Variants in SORBS2 observed in about 807,000 individuals in gnomAD.
The protein encoded by SORBS2 is sorbin and SH3 domain-containing protein 2.
In SORBS2, 46 loss-of-function variants were observed where a neutral mutation model predicts 97.7. The ratio of observed to expected loss-of-function variants is 0.47; its 90% confidence interval spans 0.37 to 0.60. The LOEUF (loss-of-function observed/expected upper bound fraction) is 0.60, where lower values mean the gene tolerates loss of function less well. SORBS2 is among the 20% of genes least tolerant of loss of function. The probability of loss-of-function intolerance (pLI) is 0.00; values close to 1 mark genes in which losing one functional copy is unlikely to be tolerated. For synonymous variants in SORBS2, 476 were observed against 473.4 expected (o/e 1.01, Z -0.07); for missense variants, 1,316 against 1,282.3 (o/e 1.03, Z -0.40).
At chr4:185,906,899 G>C (rs2099251199) in intron 1 of SORBS2, among the ~76,000 whole-genome samples, 1 of 152,196 alleles carries the variant, frequency 6.6e-6, no homozygotes, top group Admixed American at 6.5e-5. Flanking sequence ...GCCAAGGCAG[G>C]CGGATCACCT....
Position 185,950,367 on chromosome 4 carries a change from T to C in SORBS2, c.-338+5829A>G, listed in dbSNP as rs555554864. Among the ~76,000 whole-genome samples the C allele has an allele frequency of 2.0e-5, 3 of 152,220 alleles. No individual in the cohort carries two copies. The South Asian group carries it at 6.2e-4, about 32-fold the overall frequency. ...GTAATCCCAGACCTGAAGAACATAA[T>C]GGAATTAGAGGCAGATGAAGTATAA... On this transcript the variant is annotated intron_variant, in intron 1 of 20. Coordinates refer to the SORBS2 transcript ENST00000284776.
At chr4:185,772,006 G>T (rs2098974260) in intron 2 of SORBS2, 1 of 152,066 alleles carries the variant, frequency 6.6e-6, no homozygotes, top group African/African-American at 2.4e-5. Flanking sequence ...TGTCTCTAAT[G>T]AGAAAAATAA....
intron 2 of SORBS2, among the ~76,000 whole-genome samples, chr4:185,687,075 C>T (rs2097978359): frequency 6.6e-6 from 1 of 152,192 alleles, no homozygotes; most frequent in South Asian, 2.1e-4. Flanking sequence ...CAGGGTCTTG[C>T]TCTGTTGCCC....
intron 1 of SORBS2, among the ~76,000 whole-genome samples, chr4:185,898,605 G>A (rs6838311): frequency 0.71 from 107,667 of 152,022 alleles, 38,207 homozygotes; most frequent in Middle Eastern, 0.85. Flanking sequence ...CTACCAAAAC[G>A]CAAATGAAAC....
At chr4:185,947,039 T>C (rs2099274861) in intron 1 of SORBS2, among the ~76,000 whole-genome samples, 1 of 152,328 alleles carries the variant, frequency 6.6e-6, no homozygotes, top group African/African-American at 2.4e-5. Flanking sequence ...AACAATTACA[T>C]ATCCAGGGTA....
At chr4:185,701,425 T>C (rs2098260950) in intron 2 of SORBS2, among the ~76,000 whole-genome samples, 1 of 152,182 alleles carries the variant, frequency 6.6e-6, no homozygotes, top group African/African-American at 2.4e-5. Context: ...TGTGGACATC[T>C]TCATGGACAG....
intron 1 of SORBS2, among the ~76,000 whole-genome samples, chr4:185,789,035 A>G (rs2099068823): frequency 6.6e-6 from 1 of 152,210 alleles, no homozygotes; most frequent in Admixed American, 6.5e-5. Context: ...TGGAGAATAC[A>G]TGATTCCTGG....
rs1561507636 is a variant in SORBS2, at chr4:185,626,967, C to T, written c.499G>A (p.Val167Met). 1.2e-5 allele frequency: 20 copies of T among 1,614,248 alleles called. No individual in the cohort carries two copies. Among genetic ancestry groups the T allele is most frequent in the Non-Finnish European group, 1.7e-5 (20 of 1,180,046 alleles). ...TCTCCCAAGCCCCGTGGTGGACCCA[C>T]TGCAGGCTCGCTCTTCCTCCGCTTC... Residue 167 changes from valine (V) to methionine (M), a missense_variant, in exon 6 of 15, where the codon GTG (valine) becomes ATG (methionine). By Grantham distance (21) the Val-to-Met change is conservative (BLOSUM62 1). Transcript: ENST00000418609.
intron 1 of SORBS2, among the ~76,000 whole-genome samples, chr4:185,947,588 A>G (rs2099275126): frequency 1.3e-5 from 2 of 148,842 alleles, no homozygotes; most frequent in Non-Finnish European, 3.0e-5. Context: ...CACAATAGGG[A>G]TTACAAAATC....
At chr4:185,930,519 C>T (rs1479593666) in intron 1 of SORBS2, among the ~76,000 whole-genome samples, 6 of 152,098 alleles carry the variant, frequency 3.9e-5, no homozygotes, top group Non-Finnish European at 7.3e-5. Context: ...AGGATGGTCT[C>T]GATCTCCTGA....
At chr4:185,827,987 AT>A (rs1402652927) in intron 1 of SORBS2, among the ~76,000 whole-genome samples, 6 of 40,000 alleles carry the variant, frequency 1.5e-4, no homozygotes, top group African/African-American at 4.0e-4. Flanking sequence ...CACCATCATC[AT>A]CATCATCACC....
intron 3 of SORBS2, among the ~76,000 whole-genome samples, chr4:185,647,791 C>T (rs11732474): frequency 0.18 from 27,122 of 152,098 alleles, 2,647 homozygotes; most frequent in Admixed American, 0.22. Context: ...TGTTGTTCTT[C>T]CTTGCAGAGG....
At chr4:185,701,723 T>C (rs2098265150) in intron 2 of SORBS2, among the ~76,000 whole-genome samples, 1 of 152,110 alleles carries the variant, frequency 6.6e-6, no homozygotes, top group African/African-American at 2.4e-5. Context: ...GTCACTCATA[T>C]TGGGAGAGGG....
At chr4:185,810,080 T>C (rs2099173348) in intron 1 of SORBS2, among the ~76,000 whole-genome samples, 1 of 152,262 alleles carries the variant, frequency 6.6e-6, no homozygotes, top group East Asian at 1.9e-4. Flanking sequence ...GTCTGTTCAT[T>C]TAGCTTTCCT....
At chr4:185,845,869 A>G (rs2099214241) in intron 1 of SORBS2, among the ~76,000 whole-genome samples, 1 of 152,222 alleles carries the variant, frequency 6.6e-6, no homozygotes, top group Non-Finnish European at 1.5e-5. Context: ...ACACCTTTCA[A>G]CTGGCCAAAA....
chr4:185,664,931 T>G (rs1264363482), intron 4 of SORBS2, among the ~76,000 whole-genome samples: 1 of 152,162 alleles, frequency 6.6e-6, no homozygotes, highest in African/African-American at 2.4e-5. Context: ...AGCCATTACT[T>G]AGACATTATA....
At chr4:185,741,156 A>T (rs2098722472) in intron 2 of SORBS2, among the ~76,000 whole-genome samples, 2 of 151,982 alleles carry the variant, frequency 1.3e-5, no homozygotes, top group African/African-American at 4.8e-5. Context: ...ACTAAATATG[A>T]CTCTGTCTAT....
chr4:185,906,932 C>T (rs1448784963), intron 1 of SORBS2, among the ~76,000 whole-genome samples: 1 of 152,190 alleles, frequency 6.6e-6, no homozygotes, highest in East Asian at 1.9e-4. Flanking sequence ...TCAAGACCAG[C>T]TTGGCCAACA....
intron 4 of SORBS2, among the ~76,000 whole-genome samples, chr4:185,663,926 C>T (rs1245283727): frequency 6.9e-6 from 1 of 144,020 alleles, no homozygotes; most frequent in African/African-American, 2.6e-5. Context: ...GCAGTCTCGG[C>T]TCACTGCAAG....
Sources: gnomAD v4.1 joint callset for allele counts (sites outside exome capture counted in the v4.1 genomes callset) on GRCh38, gnomAD v4.1.1 for gene constraint, MANE v1.5 for transcripts, NCBI Gene and HGNC (gene_info 2026-07-23, HGNC 2026-07-21) for gene names.